The following MSLN variants were observed in gnomAD, a reference collection of about 807,000 sequenced individuals.
The protein encoded by MSLN is CAK1 antigen.
In MSLN, 82 loss-of-function variants were observed where a neutral mutation model predicts 72.6. The ratio of observed to expected loss-of-function variants is 1.13; its 90% CI spans 0.94 to 1.36. The LOEUF (loss-of-function observed/expected upper bound fraction) is 1.36. Among genes scored for constraint, MSLN ranks in the 40% most tolerant of loss-of-function variants. The pLI is 0.00. For synonymous variants in MSLN, 456 were observed against 387.3 expected (o/e 1.18, Z -2.08); for missense variants, 1,005 against 847.9 (o/e 1.19, Z -2.30).
At position 762,744 on chromosome 16, in the gene MSLN, C is replaced by T. The variant is rs968778454; in HGVS notation, c.64C>T (p.Leu22=). The change falls in exon 3 of 18, where the codon CTG becomes TTG. Residue 22 remains leucine, a synonymous_variant. Coordinates refer to ENST00000545450, the MANE Select transcript of MSLN (RefSeq NM_005823.6). ...SCGTPALGSL[L]FLLFSLGWVQ... ...TGGGACCCCCGCCCTCGGCAGCCTC[C>T]TGTTCCTGCTCTTCAGCCTCGGTGC... 24 of 1,599,164 alleles carry T rather than the reference C, an allele frequency of 1.5e-5. No individual in the cohort carries two copies. Among genetic ancestry groups the T allele is most frequent in the Non-Finnish European group, 2.0e-5 (23 of 1,174,260 alleles).
intron 6 of MSLN, 114 bp from the exon 7 acceptor site, chr16:764,533 A>C: frequency 4.3e-6 from 4 of 937,732 alleles, no homozygotes; most frequent in Non-Finnish European, 7.0e-6. Flanking sequence ...ACTTCCACAG[A>C]TTCTCGTGGC....
rs2041669967 is a variant in MSLN, at chr16:768,417, C to G, written c.1635C>G (p.Pro545=). The G allele has an allele frequency of 6.6e-7, 1 of 1,513,248 alleles. No homozygotes were observed. Among genetic ancestry groups the G allele is most frequent in the African/African-American group, 1.4e-5 (1 of 71,586 alleles). 93.7% of individuals were successfully genotyped at this position (1,513,248 alleles called of 1,614,324 possible). The change falls in exon 17 of 18, where the codon CCC becomes CCG. Residue 545 remains proline, a synonymous_variant. Coordinates refer to ENST00000545450, the MANE Select transcript of MSLN (RefSeq NM_005823.6). Reference sequence around the variant, plus strand: ...CTGAGGTGCAGAAACTTCTGGGACCCCACGTGGAGGGCCTGAAGGCGGAGG... The same window carrying G: ...CTGAGGTGCAGAAACTTCTGGGACCGCACGTGGAGGGCCTGAAGGCGGAGG... ...TVAEVQKLLG[P]HVEGLKAEER...
In MSLN at chr16:766,465, A is replaced by T. The variant is rs746803292; in HGVS notation, c.1205A>T (p.Asn402Ile). ...LETLKALLEV[N>I]KGHEMSPQVA... ...ACCCTGAAGGCTTTGCTTGAAGTCAACAAAGGGCACGAAATGAGTCCTCAG... is the reference window on the plus strand; with the variant it reads ...ACCCTGAAGGCTTTGCTTGAAGTCATCAAAGGGCACGAAATGAGTCCTCAG... Residue 402 changes from asparagine to isoleucine, a missense_variant, in exon 13 of 18, where the codon AAC becomes ATC. Coordinates refer to ENST00000545450, the MANE Select transcript of MSLN (RefSeq NM_005823.6). 6.2e-7 allele frequency: 1 copy of T among 1,612,676 alleles called. No homozygotes were observed. The highest frequency in any genetic ancestry group is 8.5e-7 in the Non-Finnish European group (1 of 1,179,910).
chr16:762,429 C>T, intron 2 of MSLN: 1 of 534,420 alleles, frequency 1.9e-6, no homozygotes, highest in Non-Finnish European at 3.3e-6. Context: ...CAACTGACTC[C>T]TGGGCTGTCT....
Position 764,731 on chromosome 16 carries a change from G to A in MSLN, c.380+5G>A. ...GGACCTGCTGCTATTCCTCAAGTAG[G>A]CCCTGCCCCCTGAACCCACCCCCCC... On this transcript the variant is annotated splice_donor_5th_base_variant and intron_variant, in intron 7 of 17. Coordinates refer to ENST00000545450, the MANE Select transcript of MSLN (RefSeq NM_005823.6). 1.2e-6 allele frequency: 2 copies of A among 1,608,542 alleles called. No homozygotes were observed. Among genetic ancestry groups the A allele is most frequent in the Non-Finnish European group, 1.7e-6 (2 of 1,177,264 alleles).
rs780231302 is a variant in MSLN, at chr16:764,912, A to G, written c.386A>G (p.Asp129Gly). 73 of 1,611,560 alleles carry G rather than the reference A, an allele frequency of 4.5e-5. No individual in the cohort carries two copies. In the South Asian group the frequency reaches 7.9e-4, roughly 17 times the overall value. The change falls in exon 8 of 18, where the codon GAT becomes GGT. Residue 129 changes from aspartate (D) to glycine (G), a missense_variant. Transcript: ENST00000545450. ...CCAGCACCCTCTCTTCACAGCCCAGATGCGTTCTCGGGGCCCCAGGCCTGC... is the reference window on the plus strand; with the variant it reads ...CCAGCACCCTCTCTTCACAGCCCAGGTGCGTTCTCGGGGCCCCAGGCCTGC... ...PLDLLLFLNP[D>G]AFSGPQACTR...
At chr16:764,465 G>A (rs1013412013) in intron 6 of MSLN, among the ~76,000 whole-genome samples, 182 bp from the exon 7 acceptor site, 1 of 152,170 alleles carries the variant, frequency 6.6e-6, no homozygotes, top group Non-Finnish European at 1.5e-5. Context: ...GAAGGGGAGC[G>A]GAGCCAGGCA....
At chr16:767,145 C>A in intron 15 of MSLN, 133 bp downstream of exon 15, 1 of 1,438,130 alleles carries the variant, frequency 7.0e-7, no homozygotes, top group Non-Finnish European at 9.5e-7. Flanking sequence ...GCCCTCTGCC[C>A]CCCGGGGTGT....
At position 763,639 on chromosome 16, in the gene MSLN, C is replaced by A; in HGVS notation, c.130-3C>A. 1.2e-6 allele frequency: 2 copies of A among 1,600,164 alleles called. No homozygotes were observed. The highest frequency in any genetic ancestry group is 2.2e-5 in the East Asian group (1 of 44,524). ...CCATGTTCAGCAGGCCCTGTGTCCC[C>A]AGGAGGCTGCGCCCCTGGACGGAGT... On this transcript the variant is annotated splice_polypyrimidine_tract_variant and splice_region_variant and intron_variant, in intron 4 of 17. Coordinates refer to ENST00000545450, the MANE Select transcript of MSLN (RefSeq NM_005823.6).
chr16:767,132 C>A lies in MSLN; in HGVS notation c.1501+120C>A. 4.7e-6 allele frequency: 7 copies of A among 1,494,552 alleles called. No individual in the cohort carries two copies. The Middle Eastern group carries it at 7.2e-4, about 154-fold the overall frequency. 92.6% of individuals were successfully genotyped at this position (1,494,552 alleles called of 1,614,324 possible). A position where few individuals can be genotyped will look rare whatever the true frequency, so the allele number is the denominator to read the frequency against. The stretch of plus-strand genomic sequence containing the variant: ...TGCTGCCAGGGTAACTGGGTGGTCA[C>A]CCGCCCTCTGCCCCCCGGGGTGTGT... On this transcript the variant is annotated intron_variant, in intron 15 of 17. Coordinates refer to ENST00000545450, the MANE Select transcript of MSLN (RefSeq NM_005823.6).
At chr16:764,204 C>G in intron 6 of MSLN, 61 bp downstream of exon 6, 1 of 1,563,548 alleles carries the variant, frequency 6.4e-7, no homozygotes, top group Non-Finnish European at 8.6e-7. Context: ...TCACAGGCAG[C>G]TCTGCAGTGC....
rs1000310920 is a variant in MSLN, at chr16:766,625, C to T, written c.1231-43C>T. The T allele has an allele frequency of 3.1e-6, 5 of 1,611,386 alleles. No homozygotes were observed. In the African/African-American group the frequency reaches 6.7e-5, roughly 22 times the overall value. On this transcript the variant is annotated intron_variant, in intron 13 of 17. Coordinates refer to ENST00000545450, the MANE Select transcript of MSLN (RefSeq NM_005823.6). ...AGGTTATGCTGGTGGTGGAGGGATA[C>T]ATCTCTCCTTGCCACAAGGCTCCTC...
intron 2 of MSLN, among the ~76,000 whole-genome samples, chr16:761,381 C>A (rs776145313): frequency 3.3e-5 from 5 of 152,226 alleles, no homozygotes; most frequent in Non-Finnish European, 7.3e-5. Context: ...GCCTCCACGG[C>A]CCCAGCCCAG....
Position 766,696 on chromosome 16 carries a change from A to G in MSLN, c.1259A>G (p.Lys420Arg), listed in dbSNP as rs759808436. 8 of 1,612,530 alleles carry G rather than the reference A, an allele frequency of 5.0e-6. No homozygotes were observed. The Admixed American group carries it at 1.2e-4, about 24-fold the overall frequency. ...GCCACCCTGATCGACCGCTTTGTGAAGGGAAGGGGCCAGCTAGACAAAGAC... is the reference window on the plus strand; with the variant it reads ...GCCACCCTGATCGACCGCTTTGTGAGGGGAAGGGGCCAGCTAGACAAAGAC... The part of the protein sequence containing the change: ...QVATLIDRFV[K>R]GRGQLDKDTL... Residue 420 changes from lysine (K) to arginine (R), a missense_variant, in exon 14 of 18, where the codon AAG (lysine) becomes AGG (arginine). Transcript: ENST00000545450.
At chr16:766,272 T>C (rs747408033) in intron 12 of MSLN, 35 bp downstream of exon 12, 1 of 1,608,902 alleles carries the variant, frequency 6.2e-7, no homozygotes, top group South Asian at 1.1e-5. Context: ...CGGCCTGCTG[T>C]GTCCAAGCCA....
chr16:763,500 G>T, intron 4 of MSLN, 142 bp from the exon 5 acceptor site: 2 of 909,086 alleles, frequency 2.2e-6, no homozygotes, highest in Non-Finnish European at 3.3e-6. Context: ...ATGAGAAGCA[G>T]CCAAGCCCAT....
chr16:763,158 C>T (rs2041557681), intron 3 of MSLN, 75 bp from the exon 4 acceptor site: 1 of 1,021,880 alleles, frequency 9.8e-7, no homozygotes, highest in Admixed American at 2.5e-5. Context: ...CAGGCTCTGC[C>T]TCCTTCCTCC....
At position 765,679 on chromosome 16, in the gene MSLN, GCTCGTC is replaced by G. The variant is rs2041597511; in HGVS notation, c.796-8_796-3del. On this transcript the variant is annotated splice_region_variant and splice_polypyrimidine_tract_variant and intron_variant, in intron 10 of 17. Coordinates refer to ENST00000545450, the MANE Select transcript of MSLN (RefSeq NM_005823.6). ...CCACCCGAGGCTCAGCCCAGGTCCT[GCTCGTC>G]CTCAGGGCATCGTGGCCGCGTGGCG... 5.6e-6 allele frequency: 9 copies of G among 1,600,296 alleles called. No individual in the cohort carries two copies. The East Asian group carries it at 2.0e-4, about 36-fold the overall frequency.
At position 766,805 on chromosome 16, in the gene MSLN, C is replaced by A. The variant is rs775654615; in HGVS notation, c.1368C>A (p.Ser456Arg). ...AGCTGAGCTCCGTGCCCCCCAGCAGCATCTGGTGAGTCCCCAGAACTCTGC... is the reference window on the plus strand; with the variant it reads ...AGCTGAGCTCCGTGCCCCCCAGCAGAATCTGGTGAGTCCCCAGAACTCTGC... ...PEELSSVPPS[S>R]IWAVRPQDLD... Residue 456 changes from serine (S) to arginine (R), a missense_variant, in exon 14 of 18, where the codon AGC (serine) becomes AGA (arginine). By Grantham distance (110) the Ser-to-Arg change is moderately radical (BLOSUM62 -1). Coordinates refer to ENST00000545450, the MANE Select transcript of MSLN (RefSeq NM_005823.6). 1.2e-6 allele frequency: 2 copies of A among 1,612,518 alleles called. No individual in the cohort carries two copies.
Sources: gnomAD v4.1 joint callset for allele counts (sites outside exome capture counted in the v4.1 genomes callset) on GRCh38, gnomAD v4.1.1 for gene constraint, MANE v1.5 for transcripts, NCBI Gene and HGNC (gene_info 2026-07-23, HGNC 2026-07-21) for gene names.